The following MACROD2 variants were observed in gnomAD, a reference collection of about 807,000 sequenced individuals.
MACROD2 encodes the protein ADP-ribose glycohydrolase MACROD2.
MACROD2 carries 36 observed loss-of-function variants against 70.4 expected under a neutral mutation model. The observed-to-expected ratio is 0.51, with a 90% CI of 0.39 to 0.68. The LOEUF is 0.68. MACROD2 is among the 30% of genes least tolerant of loss of function. The pLI, the probability that MACROD2 is intolerant of heterozygous loss-of-function variation, is 0.00. For missense variants in MACROD2, 496 were observed against 538.4 expected, an observed-to-expected ratio of 0.92 and a Z score of 0.78; for synonymous variants, 172 against 178.8, an observed-to-expected ratio of 0.96 and a Z score of 0.30.
chr20:15,877,031 C>G (rs923990401), intron 9 of MACROD2, among the ~76,000 whole-genome samples: 2 of 152,096 alleles, frequency 1.3e-5, no homozygotes, highest in Non-Finnish European at 2.9e-5. Flanking sequence ...TTTTTGATGG[C>G]TTGAGCATGG....
chr20:15,820,838 C>G (rs2063930925), intron 8 of MACROD2, among the ~76,000 whole-genome samples: 1 of 152,148 alleles, frequency 6.6e-6, no homozygotes, highest in Admixed American at 6.5e-5. Context: ...TGTATTCATG[C>G]TATATCAACA....
chr20:15,589,781 C>T (rs1046023932), intron 8 of MACROD2, among the ~76,000 whole-genome samples: 1 of 152,200 alleles, frequency 6.6e-6, no homozygotes, highest in Admixed American at 6.5e-5. Context: ...TTAGTCTGTT[C>T]AGACTGGCTT....
At chr20:15,939,282 C>T (rs1248135856) in intron 12 of MACROD2, among the ~76,000 whole-genome samples, 1 of 152,168 alleles carries the variant, frequency 6.6e-6, no homozygotes, top group African/African-American at 2.4e-5. Flanking sequence ...GAGGAGAAGT[C>T]AATGCCTGGC....
At chr20:14,933,279 A>G (rs879400869) in intron 5 of MACROD2, among the ~76,000 whole-genome samples, 7 of 152,228 alleles carry the variant, frequency 4.6e-5, no homozygotes, top group African/African-American at 7.2e-5. Flanking sequence ...ACAAGAGGAT[A>G]GGAATGGGAA....
At chr20:14,777,525 A>G (rs1012003302) in intron 5 of MACROD2, among the ~76,000 whole-genome samples, 1 of 151,906 alleles carries the variant, frequency 6.6e-6, no homozygotes, top group African/African-American at 2.4e-5. Flanking sequence ...CTGTGGATTT[A>G]TTTTTCTAAT....
chr20:15,360,808 T>C lies in MACROD2; in HGVS notation c.541-70597T>C, dbSNP rs529387306. ...TTTGTGTTTCCCTAATAACTAGTGATGTTGCACAGTTTTTTTTTCGTGTGT... is the reference window on the plus strand; with the variant it reads ...TTTGTGTTTCCCTAATAACTAGTGACGTTGCACAGTTTTTTTTTCGTGTGT... On this transcript the variant is annotated intron_variant, in intron 6 of 17. Coordinates refer to ENST00000684519, the MANE Select transcript of MACROD2 (RefSeq NM_001351661.2). Among the ~76,000 whole-genome samples the C allele has an allele frequency of 1.6e-4, 25 of 152,200 alleles. No individual in the cohort carries two copies. In the South Asian group the frequency reaches 5.0e-3, roughly 30 times the overall value.
At chr20:15,294,255 G>A (rs550018997) in intron 6 of MACROD2, among the ~76,000 whole-genome samples, 1 of 152,212 alleles carries the variant, frequency 6.6e-6, no homozygotes, top group Non-Finnish European at 1.5e-5. Context: ...AAGCTGATGG[G>A]ATGGGACATC....
At chr20:14,948,745 G>T (rs764225841) in intron 5 of MACROD2, among the ~76,000 whole-genome samples, 2 of 152,114 alleles carry the variant, frequency 1.3e-5, no homozygotes, top group Non-Finnish European at 2.9e-5. Context: ...AATGAGTAAC[G>T]TACCTAAGGA....
intron 8 of MACROD2, among the ~76,000 whole-genome samples, chr20:15,554,998 C>T (rs970496511): frequency 2.0e-5 from 3 of 152,170 alleles, no homozygotes; most frequent in Non-Finnish European, 4.4e-5. Context: ...AACTAAAATG[C>T]AGATGCTACA....
At chr20:15,240,602 C>A (rs897018247) in intron 6 of MACROD2, among the ~76,000 whole-genome samples, 8 of 152,108 alleles carry the variant, frequency 5.3e-5, no homozygotes, top group African/African-American at 1.9e-4. Flanking sequence ...AATGGGATAA[C>A]ATATATCAGT....
intron 15 of MACROD2, among the ~76,000 whole-genome samples, chr20:16,012,233 T>C (rs1601321699): frequency 6.6e-6 from 1 of 152,318 alleles, no homozygotes; most frequent in Middle Eastern, 3.4e-3. Flanking sequence ...GCCCCACTTA[T>C]CTACAAACCT....
intron 4 of MACROD2, among the ~76,000 whole-genome samples, chr20:14,507,012 C>G (rs1199483938): frequency 6.6e-6 from 1 of 152,078 alleles, no homozygotes; most frequent in African/African-American, 2.4e-5. Context: ...ATTCAAAACA[C>G]TTTTAAAAAA....
chr20:14,887,712 G>A (rs1324583495), intron 5 of MACROD2, among the ~76,000 whole-genome samples: 5 of 152,006 alleles, frequency 3.3e-5, no homozygotes, highest in Non-Finnish European at 4.4e-5. Flanking sequence ...TTGAAAAATA[G>A]CAGAAACAAT....
At chr20:15,800,427 T>G (rs2063713694) in intron 8 of MACROD2, among the ~76,000 whole-genome samples, 1 of 152,244 alleles carries the variant, frequency 6.6e-6, no homozygotes, top group South Asian at 2.1e-4. Flanking sequence ...AGGTTTTATA[T>G]CTATATCTTT....
intron 2 of MACROD2, among the ~76,000 whole-genome samples, chr20:14,044,502 C>A (rs1021503059): frequency 1.3e-5 from 2 of 152,128 alleles, no homozygotes; most frequent in Admixed American, 1.3e-4. Context: ...TTGGTTGGTC[C>A]ATTTTACAGA....
At chr20:14,676,015 G>A (rs996537680) in intron 4 of MACROD2, among the ~76,000 whole-genome samples, 1 of 152,090 alleles carries the variant, frequency 6.6e-6, no homozygotes, top group African/African-American at 2.4e-5. Context: ...AAATATATAT[G>A]CACCCAATAC....
chr20:15,183,347 C>A (rs1424133359), intron 5 of MACROD2, among the ~76,000 whole-genome samples: 3 of 151,786 alleles, frequency 2.0e-5, no homozygotes, highest in African/African-American at 7.3e-5. Flanking sequence ...CCAGCCTGGG[C>A]AACATAATGA....
intron 15 of MACROD2, among the ~76,000 whole-genome samples, chr20:16,014,604 A>G (rs2066905963): frequency 6.6e-6 from 1 of 152,218 alleles, no homozygotes; most frequent in African/African-American, 2.4e-5. Context: ...TGGGTTCAAC[A>G]GAAGCCAAGA....
intron 3 of MACROD2, among the ~76,000 whole-genome samples, chr20:14,311,960 A>G (rs2082571483): frequency 6.6e-6 from 1 of 152,230 alleles, no homozygotes; most frequent in South Asian, 2.1e-4. Context: ...AATATGCTCA[A>G]ATTGCCCTCA....
Sources: gnomAD v4.1 joint callset for allele counts (sites outside exome capture counted in the v4.1 genomes callset) on GRCh38, gnomAD v4.1.1 for gene constraint, MANE v1.5 for transcripts, NCBI Gene and HGNC (gene_info 2026-07-23, HGNC 2026-07-21) for gene names.